Variants in FGF12 observed in about 807,000 individuals in gnomAD.
FGF12 encodes fibroblast growth factor 12B.
A neutral mutation model predicts 23.6 loss-of-function variants in FGF12; 14 were observed. The observed-to-expected ratio is 0.59, with a 90% CI of 0.39 to 0.93. FGF12 has a LOEUF of 0.93. Ranked by LOEUF, FGF12 falls within the 40% of genes least tolerant of loss-of-function variation. The pLI, the probability that FGF12 is intolerant of heterozygous loss-of-function variation, is 0.00. For synonymous variants in FGF12, 62 were observed against 77.3 expected (o/e 0.80, Z 1.04); for missense variants, 175 against 217.8 (o/e 0.80, Z 1.24).
chr3:192,663,356 T>C (rs1309795938), intron 2 of FGF12, among the ~76,000 whole-genome samples: 4 of 152,206 alleles, frequency 2.6e-5, no homozygotes, highest in South Asian at 2.1e-4. Context: ...GAAGGTCAAA[T>C]GTAATAACTT....
intron 3 of FGF12, among the ~76,000 whole-genome samples, chr3:192,351,346 A>G (rs2108722741): frequency 6.6e-6 from 1 of 152,330 alleles, no homozygotes. Flanking sequence ...AAGTTCACTC[A>G]GCTATTTAGA....
At chr3:192,375,930 ACTT>A (rs1245164808) in intron 2 of FGF12, among the ~76,000 whole-genome samples, 2 of 152,062 alleles carry the variant, frequency 1.3e-5, no homozygotes, top group Admixed American at 1.3e-4. Flanking sequence ...TTTCTCTCTG[ACTT>A]CTTTTAAAAT....
At chr3:192,634,089 A>T (rs1715493115) in intron 2 of FGF12, among the ~76,000 whole-genome samples, 1 of 152,198 alleles carries the variant, frequency 6.6e-6, no homozygotes, top group African/African-American at 2.4e-5. Flanking sequence ...AAAGGATACG[A>T]AACAAAATGT....
chr3:192,602,722 C>CAA (rs5855439), intron 2 of FGF12, among the ~76,000 whole-genome samples: 3 of 125,680 alleles, frequency 2.4e-5, no homozygotes, highest in South Asian at 2.7e-4. Flanking sequence ...CACAAAGGCC[C>CAA]AAAAAAAAAA....
chr3:192,343,268 T>C (rs1342252611), intron 3 of FGF12, among the ~76,000 whole-genome samples: 1 of 152,206 alleles, frequency 6.6e-6, no homozygotes, highest in Admixed American at 6.5e-5. Flanking sequence ...GGGTTTATAA[T>C]CTGTGCATTT....
intron 2 of FGF12, among the ~76,000 whole-genome samples, chr3:192,391,593 A>G (rs937522281): frequency 6.6e-6 from 1 of 152,184 alleles, no homozygotes; most frequent in African/African-American, 2.4e-5. Flanking sequence ...CTGGATTATT[A>G]TATTTGATTC....
At chr3:192,266,209 G>A (rs1713069053) in intron 4 of FGF12, among the ~76,000 whole-genome samples, 1 of 152,068 alleles carries the variant, frequency 6.6e-6, no homozygotes, top group Non-Finnish European at 1.5e-5. Context: ...TTACCAGTCT[G>A]TCATATTATG....
intron 4 of FGF12, among the ~76,000 whole-genome samples, chr3:192,322,419 T>C (rs1716594217): frequency 6.6e-6 from 1 of 151,950 alleles, no homozygotes; most frequent in African/African-American, 2.4e-5. Context: ...TTCAATGCAA[T>C]CTTTATCATA....
intron 4 of FGF12, among the ~76,000 whole-genome samples, chr3:192,193,515 C>A (rs1716909490): frequency 6.6e-6 from 1 of 152,150 alleles, no homozygotes; most frequent in South Asian, 2.1e-4. Context: ...TTATCAGCAG[C>A]CCTAACATTA....
intron 2 of FGF12, among the ~76,000 whole-genome samples, chr3:192,594,217 A>C (rs1713745155): frequency 6.6e-6 from 1 of 151,944 alleles, no homozygotes; most frequent in South Asian, 2.1e-4. Context: ...GTGTCATCAC[A>C]TGATGAATGG....
chr3:192,646,804 C>G (rs1006254412), intron 2 of FGF12, among the ~76,000 whole-genome samples: 1 of 152,086 alleles, frequency 6.6e-6, no homozygotes, highest in Non-Finnish European at 1.5e-5. Flanking sequence ...AGATGCACAA[C>G]TCTACGAATA....
intron 2 of FGF12, among the ~76,000 whole-genome samples, chr3:192,518,535 A>T (rs907154978): frequency 3.3e-5 from 5 of 152,214 alleles, no homozygotes; most frequent in African/African-American, 1.2e-4. Context: ...TGTTTGGAAG[A>T]GAATGTTGAA....
rs2108576273 is a variant in FGF12 at position 192,143,979 on chromosome 3, TGA to T, written c.*28_*29del. 1 of 1,287,860 alleles carries T rather than the reference TGA, an allele frequency of 7.8e-7. No homozygotes were observed. The highest frequency in any genetic ancestry group is 1.2e-5 in the South Asian group (1 of 84,318). 79.8% of individuals were successfully genotyped at this position (1,287,860 alleles called of 1,614,324 possible). On this transcript the variant is annotated 3_prime_UTR_variant, in exon 6 of 6. Coordinates refer to ENST00000445105, the MANE Select transcript of FGF12 (RefSeq NM_004113.6). ...TGGGAAGGAAGGGAAGGGGAAGGGA[TGA>T]GAGAGGGAAGAAGGGGAGAGTTCTC...
At chr3:192,607,564 C>T (rs987883812) in intron 2 of FGF12, among the ~76,000 whole-genome samples, 1 of 152,034 alleles carries the variant, frequency 6.6e-6, no homozygotes. Flanking sequence ...ATTACAAATG[C>T]CTGACATATA....
intron 2 of FGF12, among the ~76,000 whole-genome samples, chr3:192,628,718 C>T: frequency 6.7e-6 from 1 of 149,256 alleles, no homozygotes; most frequent in Middle Eastern, 3.3e-3. Context: ...TAAATATATA[C>T]ATAAATACAT....
intron 2 of FGF12, among the ~76,000 whole-genome samples, chr3:192,480,843 C>A (rs1005235616): frequency 6.6e-5 from 10 of 152,192 alleles, no homozygotes; most frequent in Admixed American, 4.6e-4. Context: ...AGCTTAACTG[C>A]ATTATCTTGT....
intron 2 of FGF12, among the ~76,000 whole-genome samples, chr3:192,668,346 T>G (rs1278763214): frequency 6.6e-6 from 1 of 152,070 alleles, no homozygotes; most frequent in Non-Finnish European, 1.5e-5. Flanking sequence ...TGGGAAGGAA[T>G]ATAAACATTG....
intron 5 of FGF12, among the ~76,000 whole-genome samples, chr3:192,158,371 T>TTTCTTTCTTTCTTTC (rs1560171443): frequency 1.1e-4 from 13 of 119,076 alleles, no homozygotes; most frequent in African/African-American, 1.6e-4. Context: ...TCTTTCTTTC[T>TTTCTTTCTTTCTTTC]TTCTTTCTTT....
rs1487303085 is a variant in FGF12 at position 192,590,066 on chromosome 3, G to T, written c.13+137115C>A. ...CTCAAGGGCCACTGGACTCTGAAGT[G>T]GTAGAATGGGGATCCCAACCTTGGT... is the stretch of plus-strand genomic sequence containing the variant. On this transcript the variant is annotated intron_variant, in intron 2 of 5. Transcript: ENST00000445105. 2.0e-5 allele frequency among the ~76,000 whole-genome samples: 3 copies of T among 151,696 alleles called. No homozygotes were observed. The East Asian group carries it at 5.8e-4, about 29-fold the overall frequency.
Sources: gnomAD v4.1 joint callset for allele counts (sites outside exome capture counted in the v4.1 genomes callset) on GRCh38, gnomAD v4.1.1 for gene constraint, MANE v1.5 for transcripts, NCBI Gene and HGNC (gene_info 2026-07-23, HGNC 2026-07-21) for gene names.